AUTS2: variants seen among roughly 807,000 people sequenced by gnomAD.
AUTS2 encodes autism susceptibility gene 2 protein.
Under a neutral mutation model 112.4 loss-of-function variants are expected in AUTS2, and 17 were observed. The observed-to-expected ratio is 0.15, with a 90% CI of 0.10 to 0.23. The LOEUF (loss-of-function observed/expected upper bound fraction) is 0.23, where lower values mean the gene tolerates loss of function less well. AUTS2 is among the 10% of genes least tolerant of loss of function. The pLI is 1.00. For missense variants in AUTS2, 1,510 were observed against 1,701.6 expected (o/e 0.89, Z 1.98); for synonymous variants, 751 against 702.7 (o/e 1.07, Z -1.09).
chr7:70,075,552 T>G (rs963172096), intron 2 of AUTS2, among the ~76,000 whole-genome samples: 2 of 152,232 alleles, frequency 1.3e-5, no homozygotes, highest in Non-Finnish European at 2.9e-5. Context: ...GTATCCTTAA[T>G]GTACAAATAA....
At chr7:69,710,599 G>T (rs912935352) in intron 1 of AUTS2, among the ~76,000 whole-genome samples, 1 of 152,184 alleles carries the variant, frequency 6.6e-6, no homozygotes, top group Admixed American at 6.5e-5. Flanking sequence ...CACATATGCC[G>T]ATTATGTCCT....
At chr7:69,662,276 A>G (rs1425949797) in intron 1 of AUTS2, among the ~76,000 whole-genome samples, 2 of 151,784 alleles carry the variant, frequency 1.3e-5, no homozygotes, top group Non-Finnish European at 2.9e-5. Context: ...TTCCTGGAAG[A>G]GCCGACCAAC....
At chr7:70,495,115 T>C (rs1179580117) in intron 5 of AUTS2, among the ~76,000 whole-genome samples, 1 of 151,968 alleles carries the variant, frequency 6.6e-6, no homozygotes, top group Non-Finnish European at 1.5e-5. Flanking sequence ...ATATTTTCCT[T>C]GGTCTCGTGC....
At chr7:70,082,762 A>G (rs1013142114) in intron 2 of AUTS2, among the ~76,000 whole-genome samples, 1 of 152,192 alleles carries the variant, frequency 6.6e-6, no homozygotes, top group African/African-American at 2.4e-5. Flanking sequence ...TTTTGTCAAC[A>G]GAGTACCTTC....
rs140290107 is a variant in AUTS2, at chr7:70,712,704, G to A, written c.742+14084G>A. Among the ~76,000 whole-genome samples, 138 of 152,300 alleles carry A rather than the reference G, an allele frequency of 9.1e-4. 1 individual carries two copies. Among genetic ancestry groups the A allele is most frequent in the African/African-American group, 3.2e-3 (134 of 41,572 alleles). ...AAGAACATTTTGGCAGTGAGGTTTT[G>A]TAAATGCTCAGACGATCCACAGAGT... On this transcript the variant is annotated intron_variant, in intron 6 of 18. Transcript: ENST00000342771.
chr7:69,903,398 A>G (rs754299031), intron 2 of AUTS2, among the ~76,000 whole-genome samples: 48 of 152,244 alleles, frequency 3.2e-4, no homozygotes, highest in Non-Finnish European at 5.3e-4. Context: ...TTTGTAGTTT[A>G]AAACACACAG....
intron 1 of AUTS2, among the ~76,000 whole-genome samples, chr7:69,812,718 A>C (rs1790595461): frequency 6.6e-6 from 1 of 151,706 alleles, no homozygotes; most frequent in Non-Finnish European, 1.5e-5. Context: ...GGTTCTTTTG[A>C]GGTAAGAGTA....
intron 2 of AUTS2, among the ~76,000 whole-genome samples, chr7:70,103,067 A>G (rs1473480074): frequency 6.6e-6 from 1 of 152,220 alleles, no homozygotes; most frequent in Non-Finnish European, 1.5e-5. Context: ...ATAATTATTT[A>G]TATCTGTTTG....
At position 70,174,072 on chromosome 7, in the gene AUTS2, A is replaced by G. The variant is rs1170151100; in HGVS notation, c.660+39501A>G. Among the ~76,000 whole-genome samples the G allele has an allele frequency of 2.6e-5, 4 of 151,874 alleles. No individual in the cohort carries two copies. The East Asian group carries it at 7.7e-4, about 29-fold the overall frequency. On this transcript the variant is annotated intron_variant, in intron 4 of 18. Coordinates refer to ENST00000342771, the MANE Select transcript of AUTS2 (RefSeq NM_015570.4). The stretch of plus-strand genomic sequence containing the variant: ...GAAAGCCAAGATGGGCTGAAAGCTA[A>G]GTCTCTTGCACCTGTTGGCCAAGTT...
At chr7:70,251,441 G>T (rs139458105) in intron 4 of AUTS2, among the ~76,000 whole-genome samples, 4 of 151,980 alleles carry the variant, frequency 2.6e-5, no homozygotes, top group African/African-American at 4.8e-5. Flanking sequence ...CTCTTCCCCC[G>T]GGGTGACCAC....
At chr7:69,982,391 T>C (rs1455921325) in intron 2 of AUTS2, among the ~76,000 whole-genome samples, 1 of 152,196 alleles carries the variant, frequency 6.6e-6, no homozygotes, top group Non-Finnish European at 1.5e-5. Flanking sequence ...CTAAGAAAGA[T>C]TAAAAGAACA....
chr7:70,134,456 G>T, intron 3 of AUTS2, 80 bp from the exon 4 acceptor site: 1 of 1,212,970 alleles, frequency 8.2e-7, no homozygotes, highest in Non-Finnish European at 1.2e-6. Flanking sequence ...CCTGCAAAGG[G>T]CTGGTAATGA....
At chr7:70,074,073 T>C (rs1802911777) in intron 2 of AUTS2, among the ~76,000 whole-genome samples, 1 of 152,252 alleles carries the variant, frequency 6.6e-6, no homozygotes, top group East Asian at 1.9e-4. Flanking sequence ...ATTCTCAAAA[T>C]AGCTGTAAAT....
At chr7:70,768,193 C>T (rs970577078) in intron 10 of AUTS2, 125 bp downstream of exon 10, 15 of 900,362 alleles carry the variant, frequency 1.7e-5, no homozygotes, top group South Asian at 1.4e-4. Context: ...CATTGCTCCT[C>T]GCCACTTTGG....
At chr7:69,799,861 T>C (rs1790007002) in intron 1 of AUTS2, among the ~76,000 whole-genome samples, 1 of 152,178 alleles carries the variant, frequency 6.6e-6, no homozygotes, top group Non-Finnish European at 1.5e-5. Context: ...GTGTTCCTTT[T>C]GTCTGGAGTA....
intron 6 of AUTS2, among the ~76,000 whole-genome samples, chr7:70,711,862 G>A (rs1810069948): frequency 1.3e-5 from 2 of 152,134 alleles, no homozygotes; most frequent in South Asian, 4.1e-4. Context: ...GCGAAAACTA[G>A]CCTAAAAACA....
intron 2 of AUTS2, among the ~76,000 whole-genome samples, chr7:70,009,201 A>C (rs188199629): frequency 6.6e-6 from 1 of 152,146 alleles, no homozygotes; most frequent in South Asian, 2.1e-4. Flanking sequence ...ACTCACTTTA[A>C]TAACAACCCA....
intron 5 of AUTS2, among the ~76,000 whole-genome samples, chr7:70,574,178 AG>A (rs1451172847): frequency 6.6e-6 from 1 of 152,178 alleles, no homozygotes; most frequent in African/African-American, 2.4e-5. Context: ...GGGCTGTGTA[AG>A]GGGGCATCTT....
At chr7:69,737,366 A>G (rs1350393208) in intron 1 of AUTS2, among the ~76,000 whole-genome samples, 2 of 152,214 alleles carry the variant, frequency 1.3e-5, no homozygotes, top group African/African-American at 4.8e-5. Flanking sequence ...TCCTAATTGT[A>G]TAGATGAGGA....
Sources: gnomAD v4.1 joint callset for allele counts (sites outside exome capture counted in the v4.1 genomes callset) on GRCh38, gnomAD v4.1.1 for gene constraint, MANE v1.5 for transcripts, NCBI Gene and HGNC (gene_info 2026-07-23, HGNC 2026-07-21) for gene names.